The following PRIM2 variants were observed in gnomAD, a reference collection of about 807,000 sequenced individuals.
PRIM2 encodes the protein DNA primase large subunit.
In PRIM2, 39 loss-of-function variants were observed where a neutral mutation model predicts 67.3. The observed-to-expected ratio is 0.58, with a 90% CI of 0.45 to 0.76. The LOEUF (loss-of-function observed/expected upper bound fraction) is 0.76, where lower values mean the gene tolerates loss of function less well. Ranked by LOEUF, PRIM2 falls within the 30% of genes least tolerant of loss-of-function variation. The pLI, the probability that PRIM2 is intolerant of heterozygous loss-of-function variation, is 0.00. For synonymous variants in PRIM2, 143 were observed against 198.7 expected (o/e 0.72, Z 2.36); for missense variants, 398 against 598.7 (o/e 0.66, Z 3.50).
chr6:57,395,086 G>A (rs1770477123), intron 7 of PRIM2, among the ~76,000 whole-genome samples: 2 of 152,068 alleles, frequency 1.3e-5, no homozygotes, highest in South Asian at 2.1e-4. Flanking sequence ...AAGGATTTTA[G>A]CAGCTATGTT....
intron 7 of PRIM2, among the ~76,000 whole-genome samples, chr6:57,495,360 C>T (rs1773979756): frequency 6.6e-6 from 1 of 152,190 alleles, no homozygotes; most frequent in Non-Finnish European, 1.5e-5. Context: ...ACATTTTCAA[C>T]ATCTACAAAG....
intron 7 of PRIM2, among the ~76,000 whole-genome samples, chr6:57,401,662 T>C (rs551064728): frequency 1.3e-5 from 2 of 152,164 alleles, no homozygotes; most frequent in African/African-American, 4.8e-5. Flanking sequence ...ACCTTAGTAG[T>C]GTTTGTGCCA....
At chr6:57,588,090 C>A (rs1160146765) in intron 10 of PRIM2, among the ~76,000 whole-genome samples, 1 of 152,124 alleles carries the variant, frequency 6.6e-6, no homozygotes, top group Non-Finnish European at 1.5e-5. Flanking sequence ...GGCAAAGGAA[C>A]TCCCTGCTTG....
chr6:57,313,528 G>C (rs1767426274), upstream of PRIM2, among the ~76,000 whole-genome samples: 1 of 152,150 alleles, frequency 6.6e-6, no homozygotes, highest in Admixed American at 6.5e-5. Context: ...CTTTCTGTCA[G>C]TTCTCCTGCT....
At chr6:57,311,807 A>T (rs916938954), upstream of PRIM2, among the ~76,000 whole-genome samples, 1 of 152,122 alleles carries the variant, frequency 6.6e-6, no homozygotes, top group African/African-American at 2.4e-5. Context: ...CGGGCAGATC[A>T]TCCGAGGCCA....
At chr6:57,490,446 G>A (rs1177335276) in intron 7 of PRIM2, among the ~76,000 whole-genome samples, 3 of 152,058 alleles carry the variant, frequency 2.0e-5, no homozygotes, top group Non-Finnish European at 4.4e-5. Flanking sequence ...ATAAGTATAT[G>A]GAGAATACAG....
At chr6:57,598,098 A>G (rs1776400380) in intron 10 of PRIM2, among the ~76,000 whole-genome samples, 1 of 152,160 alleles carries the variant, frequency 6.6e-6, no homozygotes, top group South Asian at 2.1e-4. Flanking sequence ...CCCTTTGAAA[A>G]TGACTTGTTA....
intron 8 of PRIM2, among the ~76,000 whole-genome samples, chr6:57,509,891 T>C (rs1774327124): frequency 1.3e-5 from 2 of 150,240 alleles, no homozygotes; most frequent in South Asian, 4.2e-4. Flanking sequence ...ATTTTAGAAA[T>C]ATATAAAGTA....
At chr6:57,580,234 T>C (rs1420642227) in intron 10 of PRIM2, among the ~76,000 whole-genome samples, 3 of 152,216 alleles carry the variant, frequency 2.0e-5, no homozygotes, top group Non-Finnish European at 2.9e-5. Context: ...TAGCAAGATC[T>C]CCTGTTTACA....
intron 8 of PRIM2, among the ~76,000 whole-genome samples, chr6:57,529,496 T>A (rs1434083505): frequency 6.6e-6 from 1 of 152,174 alleles, no homozygotes; most frequent in Non-Finnish European, 1.5e-5. Context: ...TCTAAAACAT[T>A]AAAGTTAAAT....
intron 7 of PRIM2, among the ~76,000 whole-genome samples, chr6:57,398,960 G>A (rs1470616619): frequency 6.6e-6 from 1 of 151,196 alleles, no homozygotes; most frequent in African/African-American, 2.4e-5. Flanking sequence ...TCTGAAATTG[G>A]GATTGCAACC....
intron 10 of PRIM2, among the ~76,000 whole-genome samples, chr6:57,592,652 C>T (rs1776301697): frequency 6.6e-6 from 1 of 152,036 alleles, no homozygotes; most frequent in African/African-American, 2.4e-5. Context: ...ACTAGCTGGG[C>T]TGGTGGAGGG....
intron 5 of PRIM2, among the ~76,000 whole-genome samples, chr6:57,342,568 AG>A (rs1382300489): frequency 2.6e-5 from 4 of 152,244 alleles, no homozygotes; most frequent in Admixed American, 2.6e-4. Context: ...TCCTTAAGAC[AG>A]TCAAGAAATA....
the PRIM2 span, among the ~76,000 whole-genome samples, chr6:57,259,091 A>G: frequency 6.6e-6 from 1 of 152,262 alleles, no homozygotes; most frequent in Non-Finnish European, 1.5e-5. Flanking sequence ...GATTATTTCT[A>G]TACCAAGGAT....
chr6:57,489,928 T>G (rs1487002551), intron 7 of PRIM2, among the ~76,000 whole-genome samples: 6 of 106,862 alleles, frequency 5.6e-5, no homozygotes, highest in African/African-American at 1.6e-4. Context: ...GTTTTAAGTG[T>G]TTTTTTTTTT....
chr6:57,234,822 C>T, the PRIM2 span, among the ~76,000 whole-genome samples: 1 of 152,112 alleles, frequency 6.6e-6, no homozygotes, highest in East Asian at 1.9e-4. Context: ...CATGCCCAGC[C>T]CTGATGTGTT....
the PRIM2 span, among the ~76,000 whole-genome samples, chr6:57,289,275 A>G: frequency 6.6e-6 from 1 of 152,200 alleles, no homozygotes; most frequent in East Asian, 1.9e-4. Flanking sequence ...AAGAGAAAAG[A>G]ACAAAGCCTC....
chr6:57,621,133 G>A (rs1776845817), intron 12 of PRIM2, among the ~76,000 whole-genome samples: 2 of 152,180 alleles, frequency 1.3e-5, no homozygotes, highest in South Asian at 4.1e-4. Context: ...CCACAGACCA[G>A]CTAATTTATA....
rs1274331408 is a variant in PRIM2, at chr6:57,620,839, C to T, written c.1231-11294C>T. Among the ~76,000 whole-genome samples, 7 of 152,372 alleles carry T rather than the reference C, an allele frequency of 4.6e-5. No homozygotes were observed. The East Asian group carries it at 1.2e-3, about 25-fold the overall frequency. On this transcript the variant is annotated intron_variant, in intron 12 of 13. Coordinates refer to ENST00000615550, the MANE Select transcript of PRIM2 (RefSeq NM_000947.5). ...CAATCTGCTGCCTTCAGGAGACTAA[C>T]CTAACACATAAGGACTCACATAAAC...
Sources: allele counts gnomAD v4.1 joint callset (sites outside exome capture counted in the v4.1 genomes callset), GRCh38; gene constraint gnomAD v4.1.1; transcripts MANE v1.5; gene names NCBI Gene and HGNC (gene_info 2026-07-23, HGNC 2026-07-21).